Variants in NBEA observed in about 807,000 individuals in gnomAD.
NBEA encodes the protein lysosomal-trafficking regulator 2.
A neutral mutation model predicts 343.4 loss-of-function variants in NBEA; 44 were observed. That is an observed-to-expected ratio of 0.13 (90% CI 0.10 to 0.16). The LOEUF (loss-of-function observed/expected upper bound fraction) is 0.16, where lower values mean the gene tolerates loss of function less well. NBEA is among the 10% of genes least tolerant of loss of function. The pLI is 1.00. For synonymous variants in NBEA, 1,175 were observed against 1,238.7 expected (o/e 0.95, Z 1.08); for missense variants, 2,555 against 3,631.3 (o/e 0.70, Z 7.62).
intron 40 of NBEA, among the ~76,000 whole-genome samples, chr13:35,469,099 CAAAAAAAAA>C (rs34222156): frequency 1.2e-5 from 1 of 85,024 alleles, no homozygotes; most frequent in Non-Finnish European, 2.1e-5. Context: ...GACTCTATCT[CAAAAAAAAA>C]AAAAAAAAAA....
At position 35,532,887 on chromosome 13, in the gene NBEA, T is replaced by C. The variant is rs532774755; in HGVS notation, c.6586-17590T>C. Among the ~76,000 whole-genome samples the C allele has an allele frequency of 2.0e-5, 3 of 152,228 alleles. No homozygotes were observed. The East Asian group carries it at 5.8e-4, about 29-fold the overall frequency. ...TAATTTCTAAGGCACTAGTAATTTG[T>C]TGAGTTTTTTTTTTCTAATTCTAAA... is the stretch of plus-strand genomic sequence containing the variant. On this transcript the variant is annotated intron_variant, in intron 41 of 58. Coordinates refer to ENST00000379939, the MANE Select transcript of NBEA (RefSeq NM_001385012.1).
intron 38 of NBEA, among the ~76,000 whole-genome samples, chr13:35,413,121 A>C (rs993559614): frequency 2.0e-5 from 3 of 151,972 alleles, no homozygotes; most frequent in Non-Finnish European, 4.4e-5. Context: ...GAAATGTCTC[A>C]CTTCTGCTCA....
intron 33 of NBEA, among the ~76,000 whole-genome samples, chr13:35,211,624 G>A (rs988861508): frequency 6.6e-6 from 1 of 152,048 alleles, no homozygotes; most frequent in Non-Finnish European, 1.5e-5. Context: ...AGACCAGCCT[G>A]GAAAACATGG....
intron 11 of NBEA, among the ~76,000 whole-genome samples, chr13:35,108,219 G>A (rs1232030613): frequency 6.6e-6 from 1 of 151,980 alleles, no homozygotes; most frequent in African/African-American, 2.4e-5. Flanking sequence ...AGTGATAGGT[G>A]ATTCTTTACC....
intron 1 of NBEA, among the ~76,000 whole-genome samples, chr13:35,004,177 T>C (rs2061238961): frequency 6.6e-6 from 1 of 152,128 alleles, no homozygotes; most frequent in Non-Finnish European, 1.5e-5. Context: ...TCCAGTATAT[T>C]ATTGATGGGC....
At chr13:35,326,365 T>C (rs1004182406) in intron 36 of NBEA, among the ~76,000 whole-genome samples, 11 of 152,084 alleles carry the variant, frequency 7.2e-5, no homozygotes, top group African/African-American at 2.7e-4. Flanking sequence ...ATTAGATGTA[T>C]TCCTAGATAT....
chr13:35,417,673 G>T (rs2044005848), intron 38 of NBEA, among the ~76,000 whole-genome samples: 1 of 152,108 alleles, frequency 6.6e-6, no homozygotes, highest in Non-Finnish European at 1.5e-5. Flanking sequence ...ATCAATTTTG[G>T]AATAGGTGTG....
intron 18 of NBEA, among the ~76,000 whole-genome samples, chr13:35,143,282 A>G (rs915526792): frequency 1.3e-5 from 2 of 152,234 alleles, no homozygotes; most frequent in African/African-American, 4.8e-5. Flanking sequence ...AATATTTGTT[A>G]TGCTCTCCTC....
intron 44 of NBEA, among the ~76,000 whole-genome samples, chr13:35,556,756 C>T (rs1207579645): frequency 6.6e-6 from 1 of 152,000 alleles, no homozygotes; most frequent in African/African-American, 2.4e-5. Context: ...TGCTTATATT[C>T]GCAAATATAA....
chr13:35,509,103 T>C (rs1405768814), intron 41 of NBEA, among the ~76,000 whole-genome samples: 1 of 152,200 alleles, frequency 6.6e-6, no homozygotes, highest in Non-Finnish European at 1.5e-5. Flanking sequence ...CCATTGTGTC[T>C]CTTGTCTGAC....
intron 52 of NBEA, among the ~76,000 whole-genome samples, chr13:35,651,004 C>T (rs568358533): frequency 7.1e-4 from 108 of 152,246 alleles, no homozygotes; most frequent in Admixed American, 4.7e-3. Context: ...CGTAAGGTAA[C>T]GCTACTTCCA....
chr13:35,018,787 A>T (rs748834381), intron 1 of NBEA, among the ~76,000 whole-genome samples: 27 of 152,296 alleles, frequency 1.8e-4, no homozygotes, highest in South Asian at 4.1e-4. Flanking sequence ...CACTGAATAG[A>T]AGTAGTCAGA....
intron 20 of NBEA, 76 bp from the exon 21 acceptor site, chr13:35,157,002 T>C (rs2069219908): frequency 2.5e-6 from 3 of 1,222,678 alleles, no homozygotes; most frequent in Non-Finnish European, 3.3e-6. Flanking sequence ...CACTATTTTA[T>C]TTATCAAAGT....
At chr13:35,263,163 A>G (rs769526127) in intron 34 of NBEA, among the ~76,000 whole-genome samples, 1 of 152,212 alleles carries the variant, frequency 6.6e-6, no homozygotes, top group Non-Finnish European at 1.5e-5. Context: ...CCATAAATAA[A>G]GTCTCCTATA....
intron 38 of NBEA, among the ~76,000 whole-genome samples, chr13:35,403,870 A>G (rs1302173013): frequency 6.6e-6 from 1 of 152,224 alleles, no homozygotes; most frequent in South Asian, 2.1e-4. Flanking sequence ...ACAAAGGGCT[A>G]ATATCCAGAA....
At chr13:35,363,883 C>T (rs509182) in intron 38 of NBEA, among the ~76,000 whole-genome samples, 2 of 151,622 alleles carry the variant, frequency 1.3e-5, no homozygotes, top group Non-Finnish European at 2.9e-5. Context: ...TTGTGACTTA[C>T]TGATTGAATA....
intron 11 of NBEA, among the ~76,000 whole-genome samples, chr13:35,099,220 A>G (rs558403327): frequency 1.5e-4 from 19 of 127,492 alleles, no homozygotes; most frequent in Admixed American, 6.6e-4. Flanking sequence ...TTTTTTTGAG[A>G]TGGAGTCTTG....
chr13:35,499,824 C>G (rs935173670), intron 41 of NBEA, among the ~76,000 whole-genome samples: 4 of 152,100 alleles, frequency 2.6e-5, no homozygotes, highest in Non-Finnish European at 5.9e-5. Context: ...TGCAGCTGAC[C>G]TTTGCAGTTC....
At chr13:35,562,478 AT>A (rs1455938065) in intron 44 of NBEA, among the ~76,000 whole-genome samples, 1 of 151,870 alleles carries the variant, frequency 6.6e-6, no homozygotes, top group South Asian at 2.1e-4. Flanking sequence ...AAACTTGAGA[AT>A]TTTTTTTAAG....
Sources: gnomAD v4.1 joint callset for allele counts (sites outside exome capture counted in the v4.1 genomes callset) on GRCh38, gnomAD v4.1.1 for gene constraint, MANE v1.5 for transcripts, NCBI Gene and HGNC (gene_info 2026-07-23, HGNC 2026-07-21) for gene names.